PRELID2: variants seen among roughly 807,000 people sequenced by gnomAD.
PRELID2 encodes PRELI domain-containing protein 2.
A neutral mutation model predicts 28.4 loss-of-function variants in PRELID2; 25 were observed. The ratio of observed to expected loss-of-function variants is 0.88; its 90% CI spans 0.64 to 1.23. PRELID2 has a LOEUF of 1.23. Ranked by LOEUF, PRELID2 falls within the 50% of genes most tolerant of loss-of-function variation. The pLI is 0.00. For missense variants in PRELID2, 201 were observed against 214.4 expected (o/e 0.94, Z 0.39); for synonymous variants, 76 against 71.6 (o/e 1.06, Z -0.31).
intron 1 of PRELID2, among the ~76,000 whole-genome samples, chr5:145,716,755 A>AT (rs1755855177): frequency 6.6e-6 from 1 of 152,200 alleles, no homozygotes; most frequent in Non-Finnish European, 1.5e-5. Context: ...TGTAATATTA[A>AT]TAACAGCTAG....
chr5:145,472,367 T>G (rs1007974973), intron 2 of PRELID2, among the ~76,000 whole-genome samples: 1 of 152,098 alleles, frequency 6.6e-6, no homozygotes, highest in Non-Finnish European at 1.5e-5. Context: ...TAAGCACTAT[T>G]ATCTTCATTT....
the PRELID2 span, among the ~76,000 whole-genome samples, chr5:145,460,747 G>T: frequency 6.6e-6 from 1 of 152,140 alleles, no homozygotes; most frequent in Non-Finnish European, 1.5e-5. Context: ...AGTATAACAA[G>T]GATTTAATTC....
chr5:145,545,506 C>T (rs1374993626), intron 1 of PRELID2, among the ~76,000 whole-genome samples: 1 of 151,378 alleles, frequency 6.6e-6, no homozygotes, highest in African/African-American at 2.4e-5. Flanking sequence ...GAAATTTTAT[C>T]TAGTCATAGG....
chr5:145,835,167 G>C lies in PRELID2; in HGVS notation c.75+10C>G. Reference sequence around the variant, plus strand: ...AGCGCGGGATACGGAAGGTGGAAGCGGGGCGGTACCTTTCGGAGAAAGCTG... The same window carrying C: ...AGCGCGGGATACGGAAGGTGGAAGCCGGGCGGTACCTTTCGGAGAAAGCTG... On this transcript the variant is annotated intron_variant, in intron 1 of 6. Coordinates refer to ENST00000683046, the MANE Select transcript of PRELID2 (RefSeq NM_205846.3). 1 of 1,541,178 alleles carries C rather than the reference G, an allele frequency of 6.5e-7. No homozygotes were observed. Among genetic ancestry groups the C allele is most frequent in the Non-Finnish European group, 8.8e-7 (1 of 1,138,690 alleles).
the PRELID2 span, among the ~76,000 whole-genome samples, chr5:145,256,061 T>C: frequency 1.3e-5 from 2 of 151,852 alleles, no homozygotes; most frequent in African/African-American, 4.9e-5. Flanking sequence ...CCGACAATCA[T>C]GGAAGTCAAG....
At chr5:145,603,272 T>A (rs1488472776) in intron 1 of PRELID2, among the ~76,000 whole-genome samples, 1 of 147,040 alleles carries the variant, frequency 6.8e-6, no homozygotes, top group Non-Finnish European at 1.5e-5. Context: ...GAAAAGGACA[T>A]AATTAAATCA....
At chr5:145,565,209 T>C (rs1752955019) in intron 1 of PRELID2, among the ~76,000 whole-genome samples, 1 of 152,236 alleles carries the variant, frequency 6.6e-6, no homozygotes, top group East Asian at 1.9e-4. Flanking sequence ...CCTAAATTGC[T>C]GGGCAGCTTA....
chr5:145,552,080 G>A (rs1752840653), intron 1 of PRELID2, among the ~76,000 whole-genome samples: 1 of 152,126 alleles, frequency 6.6e-6, no homozygotes, highest in South Asian at 2.1e-4. Context: ...CCAAAGATCA[G>A]AATGATAAGA....
chr5:145,319,551 G>A, the PRELID2 span, among the ~76,000 whole-genome samples: 1 of 151,926 alleles, frequency 6.6e-6, no homozygotes. Context: ...GGCGCCTGTA[G>A]TCCCAGCTAT....
chr5:145,230,614 G>A, the PRELID2 span, among the ~76,000 whole-genome samples: 2 of 151,856 alleles, frequency 1.3e-5, no homozygotes, highest in African/African-American at 2.4e-5. Context: ...AAAATGAAGA[G>A]TCTCTTGAAA....
rs536309897 is a variant in PRELID2 at position 145,639,724 on chromosome 5, T to C, written n.70+125207A>G. Among the ~76,000 whole-genome samples, 7 of 152,310 alleles carry C rather than the reference T, an allele frequency of 4.6e-5. No homozygotes were observed. The South Asian group carries it at 1.2e-3, about 27-fold the overall frequency. Reference sequence around the variant, plus strand: ...TGGGCCTAAGGGATATTTTCTTTAGTCCACACATTTTATAAAGAATTGAAA... The same window carrying C: ...TGGGCCTAAGGGATATTTTCTTTAGCCCACACATTTTATAAAGAATTGAAA... On this transcript the variant is annotated intron_variant and non_coding_transcript_variant, in intron 1 of 2. Coordinates refer to the PRELID2 transcript ENST00000510259.
At chr5:145,548,733 G>A (rs576118271) in intron 1 of PRELID2, among the ~76,000 whole-genome samples, 1 of 152,256 alleles carries the variant, frequency 6.6e-6, no homozygotes, top group African/African-American at 2.4e-5. Flanking sequence ...TGCACCTTCA[G>A]TCTTGCCATC....
At chr5:145,580,415 T>C (rs1308129414) in intron 1 of PRELID2, among the ~76,000 whole-genome samples, 1 of 152,074 alleles carries the variant, frequency 6.6e-6, no homozygotes, top group Non-Finnish European at 1.5e-5. Context: ...TCACTCTGAC[T>C]TGATGAATAT....
the PRELID2 span, among the ~76,000 whole-genome samples, chr5:145,420,021 G>C: frequency 6.6e-6 from 1 of 152,048 alleles, no homozygotes; most frequent in African/African-American, 2.4e-5. Context: ...TCTCAAGTTT[G>C]TCAAAGATCA....
chr5:145,411,735 T>C, the PRELID2 span, among the ~76,000 whole-genome samples: 4 of 152,128 alleles, frequency 2.6e-5, no homozygotes, highest in Non-Finnish European at 5.9e-5. Flanking sequence ...ACATTTCCCT[T>C]CTGTAGTGCA....
chr5:145,569,689 T>C (rs1753000745), intron 1 of PRELID2, among the ~76,000 whole-genome samples: 1 of 152,248 alleles, frequency 6.6e-6, no homozygotes, highest in Non-Finnish European at 1.5e-5. Context: ...AGAAAGTATT[T>C]GTTGAATATT....
chr5:145,465,802 G>C, the PRELID2 span, among the ~76,000 whole-genome samples: 1 of 152,210 alleles, frequency 6.6e-6, no homozygotes, highest in East Asian at 1.9e-4. Flanking sequence ...GCATTCAAAA[G>C]CTCCACAGGT....
chr5:145,590,782 T>C (rs1331831400), intron 1 of PRELID2, among the ~76,000 whole-genome samples: 1 of 152,100 alleles, frequency 6.6e-6, no homozygotes, highest in Non-Finnish European at 1.5e-5. Context: ...CCATTTTATG[T>C]CCCATCCCGA....
the PRELID2 span, among the ~76,000 whole-genome samples, chr5:145,321,558 C>T: frequency 6.6e-6 from 1 of 152,210 alleles, no homozygotes. Context: ...CACTGGCAGA[C>T]GCCCCTTAAA....
Sources: allele counts gnomAD v4.1 joint callset (sites outside exome capture counted in the v4.1 genomes callset), GRCh38; gene constraint gnomAD v4.1.1; transcripts MANE v1.5; gene names NCBI Gene and HGNC (gene_info 2026-07-23, HGNC 2026-07-21).